The following CD99 variants were observed in gnomAD, a reference collection of about 807,000 sequenced individuals.
CD99 encodes CD99 molecule (Xg blood group).
Under a neutral mutation model 28.4 loss-of-function variants are expected in CD99, and 19 were observed. That is an observed-to-expected ratio of 0.67 (90% CI 0.47 to 0.98). The LOEUF (loss-of-function observed/expected upper bound fraction) is 0.98, where lower values mean the gene tolerates loss of function less well. CD99 is among the 50% of genes least tolerant of loss of function. The probability of loss-of-function intolerance (pLI) is 0.00; values close to 1 mark genes in which losing one functional copy is unlikely to be tolerated. For synonymous variants in CD99, 103 were observed against 92.1 expected, an observed-to-expected ratio of 1.12 and a Z score of -0.67; for missense variants, 283 against 248.8, an observed-to-expected ratio of 1.14 and a Z score of -0.92.
intron 1 of CD99, among the ~76,000 whole-genome samples, chrX:2,711,861 G>A (rs1167027023): frequency 6.6e-6 from 1 of 152,070 alleles, no homozygotes; most frequent in Non-Finnish European, 1.5e-5. Flanking sequence ...CCAACATGGT[G>A]AAACCCCGTC....
chrX:2,740,991 T>C lies in CD99; in HGVS notation c.*187T>C, dbSNP rs1261191099. ...GGATGATGTTTACTAACGATGAATT[T>C]TACATCCAAAGGGGGATAGGCACTT... On this transcript the variant is annotated 3_prime_UTR_variant, in exon 10 of 10. Coordinates refer to ENST00000381192, the MANE Select transcript of CD99 (RefSeq NM_002414.5). 1.3e-5 allele frequency: 9 copies of C among 707,118 alleles called. No individual in the cohort carries two copies. Among genetic ancestry groups the C allele is most frequent in the Non-Finnish European group, 1.7e-5 (7 of 404,532 alleles). 43.8% of individuals were successfully genotyped at this position (707,118 alleles called of 1,614,324 possible).
intron 1 of CD99, among the ~76,000 whole-genome samples, chrX:2,699,071 TG>T (rs2047713380): frequency 6.6e-6 from 1 of 151,808 alleles, no homozygotes; most frequent in Non-Finnish European, 1.5e-5. Context: ...GGACCACAGG[TG>T]CACCTCACCA....
chrX:2,712,672 A>G (rs2048467479), intron 1 of CD99, among the ~76,000 whole-genome samples: 1 of 151,410 alleles, frequency 6.6e-6, no homozygotes, highest in South Asian at 2.1e-4. Context: ...TGTGGAAACG[A>G]CTCCACTCTG....
At chrX:2,732,598 C>A (rs1362133851) in intron 8 of CD99, among the ~76,000 whole-genome samples, 3 of 150,124 alleles carry the variant, frequency 2.0e-5, no homozygotes, top group Non-Finnish European at 3.0e-5. Context: ...TGAACTCTCC[C>A]TCTTTCTTCC....
At chrX:2,698,929 ATT>A (rs763616203) in intron 1 of CD99, among the ~76,000 whole-genome samples, 10 of 136,472 alleles carry the variant, frequency 7.3e-5, no homozygotes, top group Admixed American at 1.5e-4. Context: ...AGGTGTTTTA[ATT>A]TTTTTTTTTT....
intron 1 of CD99, among the ~76,000 whole-genome samples, chrX:2,694,542 C>A (rs1213875661): frequency 6.6e-6 from 1 of 151,944 alleles, no homozygotes; most frequent in African/African-American, 2.4e-5. Flanking sequence ...CACATGAGGC[C>A]AAGAGTTCGA....
In CD99 at chrX:2,737,026, C is replaced by A. The variant is rs748498216; in HGVS notation, c.476-1174C>A. Among the ~76,000 whole-genome samples, 11 of 152,076 alleles carry A rather than the reference C, an allele frequency of 7.2e-5. No homozygotes were observed. The East Asian group carries it at 2.1e-3, about 29-fold the overall frequency. ...CTTAGTGCTCGGAGTCCTCACTCAC[C>A]TCTCTGCATTCTGAGGGAGGTAGAA... On this transcript the variant is annotated intron_variant, in intron 8 of 9. Transcript: ENST00000381192.
At chrX:2,704,278 G>A (rs1172986902) in intron 1 of CD99, among the ~76,000 whole-genome samples, 4 of 152,110 alleles carry the variant, frequency 2.6e-5, no homozygotes, top group Non-Finnish European at 4.4e-5. Context: ...CAAACATATT[G>A]TAAAATTACA....
intron 1 of CD99, among the ~76,000 whole-genome samples, chrX:2,709,602 A>G (rs1331849293): frequency 2.6e-5 from 4 of 151,960 alleles, no homozygotes; most frequent in Admixed American, 1.3e-4. Context: ...GTGCAGGAGC[A>G]CACACGTGCA....
chrX:2,714,339 T>C, intron 1 of CD99, 83 bp from the exon 2 acceptor site: 5 of 1,120,688 alleles, frequency 4.5e-6, no homozygotes, highest in Non-Finnish European at 6.5e-6. Flanking sequence ...AAAAGAAAAA[T>C]CGCATATCTT....
chrX:2,721,271 G>A (rs183592477), intron 5 of CD99, among the ~76,000 whole-genome samples: 77 of 151,704 alleles, frequency 5.1e-4, no homozygotes, highest in Non-Finnish European at 8.7e-4. Flanking sequence ...ATTTGTGCTA[G>A]TATTTTATAT....
At chrX:2,727,401 C>A (rs745520625) in intron 8 of CD99, 105 of 765,002 alleles carry the variant, frequency 1.4e-4, no homozygotes, top group Non-Finnish European at 2.4e-4. Flanking sequence ...TGGGCACTTA[C>A]ATTTAGCTCT....
At chrX:2,691,758 C>T (rs1253218813) in intron 1 of CD99, 6 of 753,306 alleles carry the variant, frequency 8.0e-6, no homozygotes. Flanking sequence ...TTGCATGAGC[C>T]CCTCACCCCA....
chrX:2,717,363 A>AAT, intron 2 of CD99: 2 of 491,278 alleles, frequency 4.1e-6, no homozygotes, highest in Non-Finnish European at 7.3e-6. Context: ...AAAAAAAAAA[A>AAT]GAAGTGGAGA....
At chrX:2,703,947 C>G (rs1053861226) in intron 1 of CD99, among the ~76,000 whole-genome samples, 7 of 152,038 alleles carry the variant, frequency 4.6e-5, no homozygotes, top group Non-Finnish European at 1.0e-4. Flanking sequence ...CAGGGAACCC[C>G]GAGCAGCCCT....
chrX:2,721,683 A>G lies in CD99; in HGVS notation c.263-944A>G, dbSNP rs760967786. On this transcript the variant is annotated intron_variant, in intron 5 of 9. Transcript: ENST00000381192. ...TTGTAACATTACTTTTTGCTTACTG[A>G]TAGTCCATGAACATTTTTTCATGTC... is the stretch of plus-strand genomic sequence containing the variant. Among the ~76,000 whole-genome samples the G allele has an allele frequency of 1.1e-3, 169 of 152,286 alleles. 1 individual carries two copies. Among genetic ancestry groups the G allele is most frequent in the African/African-American group, 3.9e-3 (164 of 41,570 alleles).
intron 1 of CD99, among the ~76,000 whole-genome samples, chrX:2,700,255 G>T (rs1425330838): frequency 6.6e-6 from 1 of 152,136 alleles, no homozygotes; most frequent in Admixed American, 6.5e-5. Flanking sequence ...ATATGGAAGA[G>T]AACTCCCTTG....
chrX:2,716,163 CAT>C (rs1179742620), intron 2 of CD99, among the ~76,000 whole-genome samples: 1 of 151,972 alleles, frequency 6.6e-6, no homozygotes, highest in East Asian at 1.9e-4. Flanking sequence ...GGATTACAGG[CAT>C]GCACCACCAT....
intron 8 of CD99, among the ~76,000 whole-genome samples, chrX:2,731,069 T>C (rs866150229): frequency 3.3e-5 from 5 of 152,196 alleles, no homozygotes; most frequent in Non-Finnish European, 7.3e-5. Flanking sequence ...AAAATGAGTT[T>C]AATATTTATC....
Sources: gnomAD v4.1 joint callset for allele counts (sites outside exome capture counted in the v4.1 genomes callset) on GRCh38, gnomAD v4.1.1 for gene constraint, MANE v1.5 for transcripts, NCBI Gene and HGNC (gene_info 2026-07-23, HGNC 2026-07-21) for gene names.